PHLDB1: variants seen among roughly 807,000 people sequenced by gnomAD.
The protein encoded by PHLDB1 is pleckstrin homology like domain family B member 1.
Under a neutral mutation model 139.3 loss-of-function variants are expected in PHLDB1, and 65 were observed. The ratio of observed to expected loss-of-function variants is 0.47; its 90% CI spans 0.38 to 0.57. The LOEUF (loss-of-function observed/expected upper bound fraction) is 0.57, where lower values mean the gene tolerates loss of function less well. Among genes scored for constraint, PHLDB1 ranks in the 20% least tolerant of loss-of-function variants. The pLI is 0.00. For missense variants in PHLDB1, 1,624 were observed against 1,839.7 expected (o/e 0.88, Z 2.14); for synonymous variants, 679 against 734.5 (o/e 0.92, Z 1.22).
chr11:118,641,769 C>A, intron 12 of PHLDB1: 1 of 1,289,552 alleles, frequency 7.8e-7, no homozygotes, highest in South Asian at 1.2e-5. Flanking sequence ...TCGCTTCCAT[C>A]ACGCCTTCAC....
Position 118,610,997 on chromosome 11 carries a change from C to CT in PHLDB1, c.-21-2812dup, listed in dbSNP as rs1940133438. On this transcript the variant is annotated intron_variant, in intron 1 of 22. Transcript: ENST00000600882. The surrounding 1 kb of genome is among the most constrained non-coding windows in gnomAD (Gnocchi z 8.7). ...AGGGCCGGACGCGCACCGCAGGGGT[C>CT]TTTTTTTGGCCGCGGGGCCGGGCGG... Among the ~76,000 whole-genome samples the CT allele has an allele frequency of 6.6e-6, 1 of 151,728 alleles. No homozygotes were observed. Among genetic ancestry groups the CT allele is most frequent in the Non-Finnish European group, 1.5e-5 (1 of 67,918 alleles).
chr11:118,612,310 C>G (rs1049403287), intron 1 of PHLDB1, among the ~76,000 whole-genome samples: 8 of 152,006 alleles, frequency 5.3e-5, no homozygotes. Flanking sequence ...GATGATGTTT[C>G]TCCTTCACCA....
chr11:118,629,952 C>G, intron 6 of PHLDB1: 1 of 1,250,770 alleles, frequency 8.0e-7, no homozygotes, highest in South Asian at 1.3e-5. Context: ...CCCACCTCAA[C>G]CAGGCTGCTT....
intron 6 of PHLDB1, 89 bp downstream of exon 6, chr11:118,628,739 C>T: frequency 7.6e-7 from 1 of 1,309,152 alleles, no homozygotes; most frequent in Non-Finnish European, 1.0e-6. Context: ...AGGAGAGGCC[C>T]TCAAACAGGG....
chr11:118,641,520 C>T, intron 12 of PHLDB1: 1 of 715,982 alleles, frequency 1.4e-6, no homozygotes, highest in Non-Finnish European at 1.9e-6. Context: ...TACTTTCTGC[C>T]CTTTCCCTCC....
chr11:118,632,786 T>TCCTGCC lies in PHLDB1; in HGVS notation c.2379+500_2379+505dup. On this transcript the variant is annotated intron_variant, in intron 9 of 22. Transcript: ENST00000600882. This position sits in a 1 kb window ranked among gnomAD's most constrained non-coding sequence, Gnocchi z 5.9. ...GCCTCCCATCCCAGGTGATCCTAGC[T>TCCTGCC]CCTGCCCCTGCCCCTTTCAGATTTC... The TCCTGCC allele has an allele frequency of 1.1e-6, 1 of 879,306 alleles. No individual in the cohort carries two copies. Among genetic ancestry groups the TCCTGCC allele is most frequent in the African/African-American group, 1.8e-5 (1 of 55,248 alleles). The allele number at this position is 879,306 out of a possible 1,614,324, so 54.5% of individuals were successfully genotyped here.
At chr11:118,639,518 C>G in intron 12 of PHLDB1, 25 of 414,034 alleles carry the variant, frequency 6.0e-5, no homozygotes, top group East Asian at 9.7e-5. Context: ...ACTCAGGGGC[C>G]TGGGTTGGGT....
At chr11:118,638,319 G>T (rs1255428716) in intron 10 of PHLDB1, among the ~76,000 whole-genome samples, 1 of 152,236 alleles carries the variant, frequency 6.6e-6, no homozygotes, top group Non-Finnish European at 1.5e-5. Context: ...GAAAGATTTT[G>T]AGGAGAGGCA....
In PHLDB1 at chr11:118,624,983, G is replaced by A. The variant is rs782562508; in HGVS notation, c.405G>A (p.Pro135=). 2.3e-5 allele frequency: 37 copies of A among 1,613,926 alleles called. No individual in the cohort carries two copies. Among genetic ancestry groups the A allele is most frequent in the South Asian group, 3.3e-5 (3 of 91,058 alleles). Residue 135 remains proline (P), a synonymous_variant, in exon 5 of 23, where the codon CCG becomes CCA. Coordinates refer to ENST00000600882, the MANE Select transcript of PHLDB1 (RefSeq NM_001144758.3). ...GQSTFLRFNH[P]AEAKWMKSMI... Reference sequence around the variant, plus strand: ...CCACCTTCCTTCGCTTTAACCACCCGGCTGAAGCCAAGTGGATGAAAAGCA... The same window carrying A: ...CCACCTTCCTTCGCTTTAACCACCCAGCTGAAGCCAAGTGGATGAAAAGCA...
chr11:118,651,122 T>C (rs1379635887), intron 20 of PHLDB1: 3 of 154,726 alleles, frequency 1.9e-5, no homozygotes, highest in African/African-American at 7.2e-5. Context: ...CTTTTCCCAC[T>C]TGGAGCGTGG....
At position 118,647,912 on chromosome 11, in the gene PHLDB1, C is replaced by A; in HGVS notation, c.3508-18C>A. On this transcript the variant is annotated intron_variant, in intron 17 of 22. Transcript: ENST00000600882. ...AAGAGGATGGCCATAGGTGCTGACCCCTTGGCTTTGGGGGCAGGAGCGGGA... is the reference window on the plus strand; with the variant it reads ...AAGAGGATGGCCATAGGTGCTGACCACTTGGCTTTGGGGGCAGGAGCGGGA... 6.4e-7 allele frequency: 1 copy of A among 1,556,412 alleles called. No individual in the cohort carries two copies.
rs965040492 is a variant in PHLDB1, at chr11:118,611,591, C to T, written c.-21-2225C>T. 2.6e-5 allele frequency among the ~76,000 whole-genome samples: 4 copies of T among 152,176 alleles called. No homozygotes were observed. Among genetic ancestry groups the T allele is most frequent in the Non-Finnish European group, 1.5e-5 (1 of 68,034 alleles). ...ATAAACGGGGCCAGGCGCGGTGGCT[C>T]ACGCCTGTAATCCCAGCACTTCGGG... On this transcript the variant is annotated intron_variant, in intron 1 of 22. Transcript: ENST00000600882. This position sits in a 1 kb window ranked among gnomAD's most constrained non-coding sequence, Gnocchi z 4.7.
Position 118,610,509 on chromosome 11 carries a change from C to A in PHLDB1, c.-22+2810C>A. The A allele has an allele frequency of 1.0e-6, 1 of 979,650 alleles. No homozygotes were observed. The highest frequency in any genetic ancestry group is 1.2e-6 in the Non-Finnish European group (1 of 824,638). The allele number at this position is 979,650 out of a possible 1,614,324, so 60.7% of individuals were successfully genotyped here. On this transcript the variant is annotated intron_variant, in intron 1 of 22. Transcript: ENST00000600882. This position sits in a 1 kb window ranked among gnomAD's most constrained non-coding sequence, Gnocchi z 8.7. ...GCACCGCTTGGGCCGAGGCCGAGGC[C>A]GACCCCCAGGGACACAGGTGAGGCC...
At chr11:118,633,677 C>T (rs879946954) in intron 9 of PHLDB1, 1 of 152,220 alleles carries the variant, frequency 6.6e-6, no homozygotes, top group Non-Finnish European at 1.5e-5. Context: ...CTACTCTTCT[C>T]CTCACTCCTG....
rs139155819 is a variant in PHLDB1, at chr11:118,628,168, C to A, written c.1345C>A (p.Arg449=). Residue 449 remains arginine, a synonymous_variant, in exon 6 of 23, where the codon CGG becomes AGG. Transcript: ENST00000600882. The part of the protein sequence containing the change: ...QPPESPRLGR[R]GLDSMRELPP... ...TCCTGAGAGTCCCCGCCTGGGCCGG[C>A]GGGGCCTGGACAGTATGCGAGAACT... 3 of 1,613,950 alleles carry A rather than the reference C, an allele frequency of 1.9e-6. No homozygotes were observed. Among genetic ancestry groups the A allele is most frequent in the African/African-American group, 1.3e-5 (1 of 74,916 alleles).
chr11:118,646,116 T>C (rs1947471581), intron 17 of PHLDB1, among the ~76,000 whole-genome samples: 1 of 151,828 alleles, frequency 6.6e-6, no homozygotes, highest in Non-Finnish European at 1.5e-5. Context: ...AAAAATTAGC[T>C]GGGCGTGGTG....
intron 14 of PHLDB1, 40 bp downstream of exon 14, chr11:118,643,980 A>T (rs782067525): frequency 6.3e-7 from 1 of 1,590,892 alleles, no homozygotes; most frequent in African/African-American, 1.3e-5. Context: ...GTGGCTGGGG[A>T]TGGAGACTTC....
chr11:118,652,503 C>T (rs530383326), intron 20 of PHLDB1: 21 of 152,356 alleles, frequency 1.4e-4, no homozygotes, highest in African/African-American at 1.9e-4. Flanking sequence ...ATGAGCCAGG[C>T]GCTGTGCTAA....
intron 10 of PHLDB1, among the ~76,000 whole-genome samples, chr11:118,635,843 G>T (rs1395349500): frequency 6.6e-6 from 1 of 152,232 alleles, no homozygotes; most frequent in Non-Finnish European, 1.5e-5. Context: ...CAGCAGGAAG[G>T]TGAAAGATGG....
Sources: gnomAD v4.1 joint callset for allele counts (sites outside exome capture counted in the v4.1 genomes callset) on GRCh38, gnomAD v4.1.1 for gene constraint, Gnocchi (gnomAD v3.1) non-coding constraint, MANE v1.5 for transcripts, NCBI Gene and HGNC (gene_info 2026-07-23, HGNC 2026-07-21) for gene names.